The following TAF6 variants were observed in gnomAD, a reference collection of about 807,000 sequenced individuals.
The protein encoded by TAF6 is TATA-box binding protein associated factor 6.
TAF6 carries 50 observed loss-of-function variants against 73.5 expected under a neutral mutation model. The ratio of observed to expected loss-of-function variants is 0.68; its 90% CI spans 0.54 to 0.86. The LOEUF (loss-of-function observed/expected upper bound fraction) is 0.86, where lower values mean the gene tolerates loss of function less well. Ranked by LOEUF, TAF6 falls within the 40% of genes least tolerant of loss-of-function variation. TAF6 has a pLI of 0.00. For missense variants in TAF6, 768 were observed against 899.5 expected (o/e 0.85, Z 1.87); for synonymous variants, 424 against 376.7 (o/e 1.13, Z -1.45).
chr7:100,125,137 A>G, the TAF6 span: 1 of 469,370 alleles, frequency 2.1e-6, no homozygotes, highest in Non-Finnish European at 3.8e-6. Context: ...TGGCAGGTGT[A>G]TGTGCTGACA....
upstream of TAF6, chr7:100,124,342 A>G (rs1280283122): frequency 3.4e-6 from 2 of 580,920 alleles, no homozygotes; most frequent in African/African-American, 1.9e-5. Context: ...TTGGCAGAAT[A>G]GGTGCTGGTA....
In TAF6 at chr7:100,107,616, G is replaced by T; in HGVS notation, c.1664C>A (p.Ser555Tyr). The T allele has an allele frequency of 6.2e-7, 1 of 1,612,700 alleles. No individual in the cohort carries two copies. Among genetic ancestry groups the T allele is most frequent in the Non-Finnish European group, 8.5e-7 (1 of 1,179,654 alleles). The change falls in exon 15 of 15, where the codon TCC becomes TAC. Residue 555 changes from serine to tyrosine, a missense_variant. By Grantham distance (144) the Ser-to-Tyr change is moderately radical (BLOSUM62 -2). This residue lies in a region of TAF6 where 350 missense variants were observed against 352.3 expected (regional missense o/e 0.99). Coordinates refer to ENST00000453269, the MANE Select transcript of TAF6 (RefSeq NM_139315.3). ...TGAGCCGGGGGCCGAGGTGCTGAGG[G>T]ACAGGACCTGGATAGAAAGGAAAGG... ...SSAPSTQQVL[S>Y]LSTSAPGSGS...
chr7:100,116,307 G>C (rs4134889), intron 1 of TAF6, among the ~76,000 whole-genome samples: 1 of 151,876 alleles, frequency 6.6e-6, no homozygotes, highest in Non-Finnish European at 1.5e-5. Flanking sequence ...AGACTGCTTG[G>C]GCTTAGGAAT....
Position 100,112,019 on chromosome 7 carries a change from A to G in TAF6, c.721-20T>C. ...GGCTTCCTGTGGGAGGAGGGAAGCC[A>G]GTCAGGTGGGGGTGGGATGTGGGGA... On this transcript the variant is annotated intron_variant, in intron 7 of 14. Coordinates refer to ENST00000453269, the MANE Select transcript of TAF6 (RefSeq NM_139315.3). 2 of 1,600,412 alleles carry G rather than the reference A, an allele frequency of 1.2e-6. No individual in the cohort carries two copies. Among genetic ancestry groups the G allele is most frequent in the Non-Finnish European group, 1.7e-6 (2 of 1,167,690 alleles).
intron 1 of TAF6, chr7:100,115,323 G>A (rs977749029): frequency 6.6e-6 from 1 of 152,210 alleles, no homozygotes; most frequent in Admixed American, 6.5e-5. Context: ...TCATAGCAAT[G>A]CCATCCATCC....
At chr7:100,109,927 G>A in intron 12 of TAF6, 21 bp downstream of exon 12, 1 of 1,613,126 alleles carries the variant, frequency 6.2e-7, no homozygotes, top group Non-Finnish European at 8.5e-7. Context: ...GGGCAGGTGT[G>A]GGGACAGGGG....
At chr7:100,116,331 G>C (rs889147973) in intron 1 of TAF6, among the ~76,000 whole-genome samples, 4 of 151,928 alleles carry the variant, frequency 2.6e-5, no homozygotes, top group African/African-American at 7.3e-5. Flanking sequence ...TGACCACCCT[G>C]GGCAACATAG....
chr7:100,119,678 T>A, upstream of TAF6: 1 of 1,612,402 alleles, frequency 6.2e-7, no homozygotes, highest in Non-Finnish European at 8.5e-7. Context: ...CCTGGGAATT[T>A]AAGGGACCCA....
chr7:100,109,739 G>A (rs1378870378), intron 12 of TAF6, among the ~76,000 whole-genome samples: 2 of 151,890 alleles, frequency 1.3e-5, no homozygotes, highest in African/African-American at 2.4e-5. Flanking sequence ...CAGAGTGCTG[G>A]GATTACAGGC....
In TAF6 at chr7:100,113,684, T is replaced by A; in HGVS notation, c.329A>T (p.Lys110Met). 1 of 1,614,046 alleles carries A rather than the reference T, an allele frequency of 6.2e-7. No individual in the cohort carries two copies. The highest frequency in any genetic ancestry group is 1.1e-5 in the South Asian group (1 of 91,070). ...GATGATGTCGCTCAGATCAACCTCC[T>A]TCTCCTCATAGAAGTAAAGCTCCCG... ...GGRELYFYEE[K>M]EVDLSDIINT... Residue 110 changes from lysine (K) to methionine (M), a missense_variant, in exon 4 of 15, where the codon AAG (lysine) becomes ATG (methionine). By Grantham distance (95) the Lys-to-Met change is moderately conservative. Coordinates refer to ENST00000453269, the MANE Select transcript of TAF6 (RefSeq NM_139315.3).
rs756388907 is a variant in TAF6 at position 100,113,686 on chromosome 7, C to G, written c.327G>C (p.Glu109Asp). 1.9e-6 allele frequency: 3 copies of G among 1,614,144 alleles called. No homozygotes were observed. The highest frequency in any genetic ancestry group is 2.5e-6 in the Non-Finnish European group (3 of 1,180,030). Residue 109 changes from glutamate to aspartate, a missense_variant, in exon 4 of 15, where the codon GAG becomes GAC. By Grantham distance (45) the Glu-to-Asp change is conservative (BLOSUM62 2). Transcript: ENST00000453269. ...GGGRELYFYE[E>D]KEVDLSDIIN... ...TGATGTCGCTCAGATCAACCTCCTT[C>G]TCCTCATAGAAGTAAAGCTCCCGGC...
Position 100,107,400 on chromosome 7 carries a change from G to T in TAF6, c.1880C>A (p.Pro627Gln). ...CGGGGACGATGCCGGGGGAGGAACT[G>T]GAGAAGGATGGGAGGTGGGGCCTCC... Reference protein sequence around the residue: ...GKGGPTSHPSPVPPPASSPSP... With the variant: ...GKGGPTSHPSQVPPPASSPSP... The change falls in exon 15 of 15, where the codon CCA becomes CAA. Residue 627 changes from proline to glutamine, a missense_variant. Pro to Gln is a moderately conservative substitution (Grantham distance 76, BLOSUM62 -1). Transcript: ENST00000453269. The T allele has an allele frequency of 6.2e-7, 1 of 1,602,286 alleles. No homozygotes were observed.
At chr7:100,107,742 G>T in intron 14 of TAF6, 119 bp from the exon 15 acceptor site, 1 of 1,461,786 alleles carries the variant, frequency 6.8e-7, no homozygotes, top group Non-Finnish European at 9.1e-7. Flanking sequence ...TCACCCTGTA[G>T]ACAGCTATGG....
chr7:100,119,802 T>TA (rs753017192), upstream of TAF6: 2 of 1,614,122 alleles, frequency 1.2e-6, no homozygotes, highest in Non-Finnish European at 1.7e-6. Flanking sequence ...GCACGAGGCT[T>TA]GGGCTGGGAT....
upstream of TAF6, chr7:100,122,578 G>T: frequency 1.2e-6 from 2 of 1,600,776 alleles, no homozygotes; most frequent in Non-Finnish European, 8.5e-7. Context: ...ATATGCCAAG[G>T]TCAGACCCTT....
Position 100,111,308 on chromosome 7 carries a change from A to G in TAF6, c.914T>C (p.Ile305Thr), listed in dbSNP as rs1266434580. ...CACGATGCAGGTCATCACAGCTGGA[A>G]TCAGCTCATGGACCTAAGGGAGAAA... ...LYLEKYVHELIPAVMTCIVSR... is the reference protein window; with the variant it reads ...LYLEKYVHELTPAVMTCIVSR... Residue 305 changes from isoleucine (I) to threonine (T), a missense_variant, in exon 10 of 15, where the codon ATT becomes ACT. Physicochemically the swap from Ile to Thr is moderately conservative, Grantham distance 89. Around this residue, in one of 5 missense-constraint regions of TAF6, gnomAD observed 78 missense variants for 153.4 expected, o/e 0.51. Coordinates refer to ENST00000453269, the MANE Select transcript of TAF6 (RefSeq NM_139315.3). The G allele has an allele frequency of 3.7e-6, 6 of 1,613,634 alleles. No homozygotes were observed. In the Admixed American group the frequency reaches 6.7e-5, roughly 18 times the overall value.
upstream of TAF6, chr7:100,124,649 ACT>A (rs1183430186): frequency 6.2e-7 from 1 of 1,610,124 alleles, no homozygotes; most frequent in Admixed American, 1.7e-5. Context: ...TAAGGGTTGA[ACT>A]CCTCTCCTGC....
chr7:100,108,244 A>G lies in TAF6; in HGVS notation c.1459-121T>C, dbSNP rs918133018. The G allele has an allele frequency of 7.6e-6, 11 of 1,453,546 alleles. No homozygotes were observed. In the South Asian group the frequency reaches 1.4e-4, roughly 18 times the overall value. 90.0% of individuals were successfully genotyped at this position (1,453,546 alleles called of 1,614,324 possible). On this transcript the variant is annotated intron_variant, in intron 13 of 14. Coordinates refer to ENST00000453269, the MANE Select transcript of TAF6 (RefSeq NM_139315.3). ...CTCTCACTAGGGCTGGGGCATCCTC[A>G]CTCAGGGCCTGGTTGCCCTGAGACT... is the stretch of plus-strand genomic sequence containing the variant.
chr7:100,111,306 G>C lies in TAF6; in HGVS notation c.916C>G (p.Pro306Ala). 1.9e-6 allele frequency: 3 copies of C among 1,613,770 alleles called. No homozygotes were observed. The highest frequency in any genetic ancestry group is 2.5e-6 in the Non-Finnish European group (3 of 1,179,668). ...CTCACGATGCAGGTCATCACAGCTGGAATCAGCTCATGGACCTAAGGGAGA... is the reference window on the plus strand; with the variant it reads ...CTCACGATGCAGGTCATCACAGCTGCAATCAGCTCATGGACCTAAGGGAGA... Reference protein sequence around the residue: ...YLEKYVHELIPAVMTCIVSRQ... With the variant: ...YLEKYVHELIAAVMTCIVSRQ... The change falls in exon 10 of 15, where the codon CCA becomes GCA. Residue 306 changes from proline to alanine, a missense_variant. Pro to Ala is a conservative substitution (Grantham distance 27). Coordinates refer to ENST00000453269, the MANE Select transcript of TAF6 (RefSeq NM_139315.3).
Sources: gnomAD v4.1 joint callset for allele counts (sites outside exome capture counted in the v4.1 genomes callset) on GRCh38, gnomAD v4.1.1 for gene constraint, gnomAD v4.1.1 regional missense constraint, MANE v1.5 for transcripts, NCBI Gene and HGNC (gene_info 2026-07-23, HGNC 2026-07-21) for gene names.